Variants in CDC42 observed in about 807,000 individuals in gnomAD.
CDC42 encodes the protein cell division cycle 42, also known as cell division control protein 42 homolog.
In CDC42, 1 loss-of-function variant was observed where a neutral mutation model predicts 20.8. The observed-to-expected ratio is 0.05, with a 90% CI of 0.02 to 0.23. The LOEUF is 0.23. CDC42 is among the 10% of genes least tolerant of loss of function. The pLI is 1.00. For missense variants in CDC42, 49 were observed against 227.9 expected (o/e 0.21, Z 5.05); for synonymous variants, 72 against 84.8 (o/e 0.85, Z 0.83).
In CDC42 at chr1:22,098,197, A is replaced by G. The variant is rs1645769504; in HGVS notation, c.*6680A>G. Among the ~76,000 whole-genome samples the G allele has an allele frequency of 6.6e-6, 1 of 152,174 alleles. No homozygotes were observed. ...ATCTTTTTATTTTGATGAAGTTTGC[A>G]TTATTACTCCTAACAACGTGCCCTT... is the stretch of plus-strand genomic sequence containing the variant. On this transcript the variant is annotated 3_prime_UTR_variant, in exon 6 of 6. Coordinates refer to ENST00000656825, the MANE Select transcript of CDC42 (RefSeq NM_001791.4).
intron 1 of CDC42, among the ~76,000 whole-genome samples, chr1:22,062,975 G>C (rs1284910228): frequency 6.6e-6 from 1 of 151,938 alleles, no homozygotes; most frequent in Non-Finnish European, 1.5e-5. Context: ...TTGACTATCT[G>C]GTTGTCTTTG....
intron 1 of CDC42, among the ~76,000 whole-genome samples, chr1:22,066,839 G>A (rs749190392): frequency 6.6e-6 from 1 of 152,120 alleles, no homozygotes; most frequent in Non-Finnish European, 1.5e-5. Flanking sequence ...CGAGGTGGGC[G>A]GATCACCTGA....
chr1:22,057,976 C>T (rs1645322035), intron 1 of CDC42, among the ~76,000 whole-genome samples: 2 of 152,206 alleles, frequency 1.3e-5, no homozygotes, highest in South Asian at 4.1e-4. Flanking sequence ...ATCTGCCTGC[C>T]TCGGCCTCCC....
chr1:22,063,803 C>A (rs1316536813), intron 1 of CDC42, among the ~76,000 whole-genome samples: 1 of 152,110 alleles, frequency 6.6e-6, no homozygotes, highest in African/African-American at 2.4e-5. Flanking sequence ...TCACTGGAAC[C>A]TTCGCCTCCC....
intron 1 of CDC42, among the ~76,000 whole-genome samples, chr1:22,055,217 T>C (rs898670370): frequency 1.3e-5 from 2 of 151,582 alleles, no homozygotes; most frequent in Non-Finnish European, 2.9e-5. Flanking sequence ...CCCCGCAAAG[T>C]GCTGAGATTA....
chr1:22,055,035 G>A (rs1427139376), intron 1 of CDC42, among the ~76,000 whole-genome samples: 1 of 133,934 alleles, frequency 7.5e-6, no homozygotes, highest in Non-Finnish European at 1.5e-5. Context: ...CTCACTGCAA[G>A]CTCCGCCTCC....
chr1:22,066,607 A>G (rs973411957), intron 1 of CDC42, among the ~76,000 whole-genome samples: 1 of 152,208 alleles, frequency 6.6e-6, no homozygotes, highest in African/African-American at 2.4e-5. Context: ...CTTACAATAA[A>G]GGAAATAAGG....
rs986900662 is a variant in CDC42 at position 22,094,774 on chromosome 1, T to C, written c.*3257T>C. Reference sequence around the variant, plus strand: ...ATTGTAATTAGGATACCTGTTAACATTGGTGTACATTTAATGTAGTAGTAC... The same window carrying C: ...ATTGTAATTAGGATACCTGTTAACACTGGTGTACATTTAATGTAGTAGTAC... On this transcript the variant is annotated 3_prime_UTR_variant, in exon 6 of 6. Coordinates refer to ENST00000656825, the MANE Select transcript of CDC42 (RefSeq NM_001791.4). Among the ~76,000 whole-genome samples, 4 of 152,212 alleles carry C rather than the reference T, an allele frequency of 2.6e-5. No homozygotes were observed. Among genetic ancestry groups the C allele is most frequent in the Admixed American group, 6.5e-5 (1 of 15,286 alleles).
chr1:22,090,359 C>T (rs1323320722), intron 5 of CDC42: 4 of 1,051,574 alleles, frequency 3.8e-6, no homozygotes, highest in Non-Finnish European at 4.6e-6. Context: ...AGAGTTTTAA[C>T]ACTTCTAGAT....
At chr1:22,090,901 C>A in intron 5 of CDC42, 1 of 524,924 alleles carries the variant, frequency 1.9e-6, no homozygotes, top group Non-Finnish European at 2.4e-6. Context: ...ATCTCCTTGA[C>A]TCTGTCTAAC....
intron 1 of CDC42, among the ~76,000 whole-genome samples, chr1:22,077,190 T>G (rs140243468): frequency 6.6e-6 from 1 of 152,042 alleles, no homozygotes; most frequent in East Asian, 1.9e-4. Context: ...ATAATTTTGA[T>G]GAGGAGCGGG....
intron 3 of CDC42, among the ~76,000 whole-genome samples, chr1:22,085,337 G>A (rs530968593): frequency 1.6e-4 from 25 of 151,738 alleles, no homozygotes; most frequent in East Asian, 3.9e-4. Flanking sequence ...TGCCAATACC[G>A]CACTGTTTTG....
chr1:22,067,116 T>A (rs147377469), intron 1 of CDC42, among the ~76,000 whole-genome samples: 1 of 151,916 alleles, frequency 6.6e-6, no homozygotes, highest in Non-Finnish European at 1.5e-5. Flanking sequence ...GAACGGAGCA[T>A]GAGAAGGTTT....
intron 1 of CDC42, among the ~76,000 whole-genome samples, chr1:22,058,619 A>G (rs887920686): frequency 5.9e-5 from 9 of 151,416 alleles, no homozygotes; most frequent in African/African-American, 2.2e-4. Flanking sequence ...AGTAGCTGGG[A>G]TTACAGGCAT....
At chr1:22,076,404 G>A (rs1013989824) in intron 1 of CDC42, among the ~76,000 whole-genome samples, 1 of 151,984 alleles carries the variant, frequency 6.6e-6, no homozygotes, top group African/African-American at 2.4e-5. Flanking sequence ...GTTGCAGTGA[G>A]CAGAGATCAC....
In CDC42 at chr1:22,091,652, C is replaced by G; in HGVS notation, c.*135C>G. ...AATGCCCTGCACCTACCCACATGCA[C>G]TCGTGTGAGACAAGGCCCATAGGTA... On this transcript the variant is annotated 3_prime_UTR_variant, in exon 6 of 6. Transcript: ENST00000656825. 1 of 538,690 alleles carries G rather than the reference C, an allele frequency of 1.9e-6. No individual in the cohort carries two copies. The highest frequency in any genetic ancestry group is 3.3e-6 in the Non-Finnish European group (1 of 305,480). 33.4% of individuals were successfully genotyped at this position (538,690 alleles called of 1,614,324 possible). A position where few individuals can be genotyped will look rare whatever the true frequency, so the allele number is the denominator to read the frequency against.
intron 2 of CDC42, among the ~76,000 whole-genome samples, chr1:22,079,538 C>T (rs1188775942): frequency 6.6e-6 from 1 of 151,716 alleles, no homozygotes; most frequent in Non-Finnish European, 1.5e-5. Flanking sequence ...GAGTAACACT[C>T]ATTTGTGAAA....
At chr1:22,082,871 G>A (rs1158620568) in intron 3 of CDC42, among the ~76,000 whole-genome samples, 2 of 103,278 alleles carry the variant, frequency 1.9e-5, no homozygotes, top group Non-Finnish European at 3.7e-5. Flanking sequence ...AAGGCACAGA[G>A]AAAATTTTTA....
rs375924804 is a variant in CDC42 at position 22,078,508 on chromosome 1, C to T, written c.30C>T (p.Gly10=). Reference sequence around the variant, plus strand: ...AGACAATTAAGTGTGTTGTTGTGGGCGATGGTGCTGTTGGTAAAACATGTC... The same window carrying T: ...AGACAATTAAGTGTGTTGTTGTGGGTGATGGTGCTGTTGGTAAAACATGTC... MQTIKCVVV[G]DGAVGKTCLL... Residue 10 remains glycine (G), a synonymous_variant, in exon 2 of 6, where the codon GGC becomes GGT. Coordinates refer to ENST00000656825, the MANE Select transcript of CDC42 (RefSeq NM_001791.4). 47 of 1,612,300 alleles carry T rather than the reference C, an allele frequency of 2.9e-5. No homozygotes were observed. In the Middle Eastern group the frequency reaches 5.8e-4, roughly 20 times the overall value.
Sources: allele counts gnomAD v4.1 joint callset (sites outside exome capture counted in the v4.1 genomes callset), GRCh38; gene constraint gnomAD v4.1.1; transcripts MANE v1.5; gene names NCBI Gene and HGNC (gene_info 2026-07-23, HGNC 2026-07-21).